The following PBRM1 variants were observed in gnomAD, a reference collection of about 807,000 sequenced individuals.
PBRM1 encodes the protein protein polybromo-1.
PBRM1 carries 27 observed loss-of-function variants against 194.5 expected under a neutral mutation model. The observed-to-expected ratio is 0.14, with a 90% CI of 0.10 to 0.19. The LOEUF is 0.19. PBRM1 is among the 10% of genes least tolerant of loss of function. PBRM1 has a pLI of 1.00. For synonymous variants in PBRM1, 655 were observed against 693.2 expected (o/e 0.94, Z 0.87); for missense variants, 1,466 against 2,077.2 (o/e 0.71, Z 5.72).
At chr3:52,683,468 T>C (rs1023393952), upstream of PBRM1, among the ~76,000 whole-genome samples, 2 of 152,014 alleles carry the variant, frequency 1.3e-5, no homozygotes, top group African/African-American at 4.8e-5. Context: ...TCTTACAGGA[T>C]AGTATTTGGT....
intron 22 of PBRM1, among the ~76,000 whole-genome samples, chr3:52,564,601 G>A (rs761802633): frequency 2.0e-5 from 3 of 151,342 alleles, no homozygotes; most frequent in African/African-American, 4.9e-5. Flanking sequence ...AGTGAGCTGT[G>A]ATTGCACTAC....
intron 20 of PBRM1, among the ~76,000 whole-genome samples, chr3:52,583,343 G>A (rs1350762570): frequency 5.9e-5 from 9 of 151,492 alleles, no homozygotes; most frequent in Admixed American, 2.6e-4. Flanking sequence ...CCAGGAAGGC[G>A]GACGTTACAG....
intron 2 of PBRM1, among the ~76,000 whole-genome samples, chr3:52,673,812 A>C (rs879396094): frequency 1.3e-4 from 19 of 151,936 alleles, no homozygotes; most frequent in Non-Finnish European, 1.2e-4. Flanking sequence ...GCACTTTGGG[A>C]GGATGAGGTG....
rs58430288 is a variant in PBRM1 at position 52,571,856 on chromosome 3, C to CAAAA, written c.3691+4681_3691+4684dup. 5.3e-3 allele frequency among the ~76,000 whole-genome samples: 198 copies of CAAAA among 37,022 alleles called. 39 individuals are homozygous for CAAAA. Among genetic ancestry groups the CAAAA allele is most frequent in the East Asian group, 8.4e-3 (10 of 1,188 alleles). The allele number at this position is 37,022 out of a possible 152,430, so 24.3% of individuals were successfully genotyped here. ...GAGCAAGAGGGATACCTCATCTCCC[C>CAAAA]AAAAAAAAAAAAAAAAAAAAAAAAA... On this transcript the variant is annotated intron_variant, in intron 22 of 29. Transcript: ENST00000296302.
At position 52,587,527 on chromosome 3, in the gene PBRM1, G is replaced by A. The variant is rs1652211983; in HGVS notation, c.2966-17C>T. 2.6e-6 allele frequency: 4 copies of A among 1,564,212 alleles called. No homozygotes were observed. The highest frequency in any genetic ancestry group is 1.7e-6 in the Non-Finnish European group (2 of 1,152,910). On this transcript the variant is annotated splice_polypyrimidine_tract_variant and intron_variant, in intron 18 of 29. Transcript: ENST00000296302. Reference sequence around the variant, plus strand: ...ATTTTTCACCTCAAAAATGGGGGGTGGGGGAAGGGGAAGAGAAAGAGAATC... The same window carrying A: ...ATTTTTCACCTCAAAAATGGGGGGTAGGGGAAGGGGAAGAGAAAGAGAATC...
At chr3:52,667,988 G>C (rs2096873635) in intron 3 of PBRM1, among the ~76,000 whole-genome samples, 1 of 151,962 alleles carries the variant, frequency 6.6e-6, no homozygotes, top group Admixed American at 6.6e-5. Flanking sequence ...AGAGAAATAA[G>C]AATAGTTCAT....
chr3:52,651,652 C>T, intron 6 of PBRM1, 90 bp downstream of exon 7: 2 of 651,828 alleles, frequency 3.1e-6, no homozygotes, highest in East Asian at 2.8e-5. Context: ...ACAGAGACAA[C>T]TAGCTTCTCT....
intron 18 of PBRM1, among the ~76,000 whole-genome samples, chr3:52,587,832 T>G (rs932342416): frequency 9.2e-5 from 14 of 151,890 alleles, no homozygotes; most frequent in African/African-American, 3.4e-4. Context: ...ACAGGAGAAA[T>G]AATACTCAAA....
At chr3:52,567,257 G>A (rs1282276659) in intron 22 of PBRM1, among the ~76,000 whole-genome samples, 1 of 151,998 alleles carries the variant, frequency 6.6e-6, no homozygotes, top group Non-Finnish European at 1.5e-5. Flanking sequence ...CCCTATTGAT[G>A]GGTATCTATG....
At chr3:52,655,952 G>C (rs1437437391) in intron 5 of PBRM1, among the ~76,000 whole-genome samples, 4 of 152,152 alleles carry the variant, frequency 2.6e-5, no homozygotes, top group Admixed American at 6.5e-5. Flanking sequence ...GTAATACAAA[G>C]GTAAATTACA....
At chr3:52,606,869 G>C (rs1210418153) in intron 16 of PBRM1, among the ~76,000 whole-genome samples, 1 of 152,218 alleles carries the variant, frequency 6.6e-6, no homozygotes, top group Non-Finnish European at 1.5e-5. Flanking sequence ...AGTCAGCACT[G>C]TGCTGTTACT....
At position 52,550,770 on chromosome 3, in the gene PBRM1, C is replaced by A. The variant is rs769978319; in HGVS notation, c.4657G>T (p.Gly1553Cys). The A allele has an allele frequency of 1.3e-5, 21 of 1,612,458 alleles. 1 individual carries two copies. In the South Asian group the frequency reaches 2.3e-4, roughly 18 times the overall value. The change falls in exon 28 of 30, where the codon GGT (glycine) becomes TGT (cysteine). Residue 1553 changes from glycine (G) to cysteine (C), a missense_variant. By Grantham distance (159) the Gly-to-Cys change is radical (BLOSUM62 -3). This residue lies in a region of PBRM1 where 244 missense variants were observed against 324.6 expected (regional missense o/e 0.75). Coordinates refer to ENST00000296302, the Ensembl canonical transcript of PBRM1. ...ACCTGTTGTCCATATGGACTTCCAC[C>A]TGGTGCTGGAGTCCCTACCATAGGG...
At chr3:52,664,848 A>T (rs947329375) in intron 3 of PBRM1, among the ~76,000 whole-genome samples, 1 of 152,226 alleles carries the variant, frequency 6.6e-6, no homozygotes, top group Non-Finnish European at 1.5e-5. Flanking sequence ...AGTTACTACA[A>T]GAACAGGGCA....
chr3:52,668,800 GA>G lies in PBRM1; in HGVS notation c.237-156del, dbSNP rs531097554. ...AGCTTACTTAAAAAAAAAAAAAAAA[GA>G]AAAAAATCTGCAAAAAAAGAAAAAG... On this transcript the variant is annotated intron_variant, in intron 2 of 29. Coordinates refer to ENST00000296302, the Ensembl canonical transcript of PBRM1. Among the ~76,000 whole-genome samples the G allele has an allele frequency of 1.8e-4, 21 of 118,990 alleles. 1 individual carries two copies. The highest frequency in any genetic ancestry group is 1.2e-3 in the Admixed American group (14 of 12,092). The allele number at this position is 118,990 out of a possible 152,430, so 78.1% of individuals were successfully genotyped here. A position where few individuals can be genotyped will look rare whatever the true frequency, so the allele number is the denominator to read the frequency against.
intron 25 of PBRM1, among the ~76,000 whole-genome samples, chr3:52,559,537 C>A (rs900015181): frequency 2.0e-5 from 3 of 152,100 alleles, no homozygotes; most frequent in African/African-American, 4.8e-5. Flanking sequence ...AACCAGCAAC[C>A]CTATGGCCCT....
intron 2 of PBRM1, among the ~76,000 whole-genome samples, chr3:52,672,861 AGGGGAACATACC>A (rs2096981522): frequency 1.3e-5 from 2 of 152,122 alleles, no homozygotes; most frequent in Admixed American, 1.3e-4. Flanking sequence ...TGTTCTAGTT[AGGGGAACATACC>A]TTCCATAGGA....
exon 4 of PBRM1, chr3:52,662,203 T>C: frequency 6.2e-7 from 1 of 1,613,982 alleles, no homozygotes; most frequent in Non-Finnish European, 8.5e-7. Context: ...TTCTCCTTTC[T>C]GAACAAACTC....
intron 17 of PBRM1, among the ~76,000 whole-genome samples, chr3:52,599,683 C>T (rs976241877): frequency 2.7e-5 from 4 of 150,600 alleles, no homozygotes; most frequent in African/African-American, 9.8e-5. Context: ...AAAAAATTAA[C>T]CAAGCGTGGT....
intron 13 of PBRM1, among the ~76,000 whole-genome samples, 171 bp from the exon 16 acceptor site, chr3:52,617,709 T>C (rs975204089): frequency 1.3e-5 from 2 of 152,158 alleles, no homozygotes; most frequent in African/African-American, 4.8e-5. Flanking sequence ...AAGCAAATAT[T>C]AGGAAAATTT....
Sources: allele counts gnomAD v4.1 joint callset (sites outside exome capture counted in the v4.1 genomes callset), GRCh38; gene constraint gnomAD v4.1.1; regional missense constraint gnomAD v4.1.1; transcripts MANE v1.5; gene names NCBI Gene and HGNC (gene_info 2026-07-23, HGNC 2026-07-21).